DUSP10: variants seen among roughly 807,000 people sequenced by gnomAD.
DUSP10 encodes dual specificity phosphatase 10.
A neutral mutation model predicts 30.8 loss-of-function variants in DUSP10; 14 were observed. The observed-to-expected ratio is 0.46, with a 90% CI of 0.30 to 0.71. The LOEUF is 0.71. DUSP10 is among the 30% of genes least tolerant of loss of function. The pLI is 0.08. For synonymous variants in DUSP10, 254 were observed against 250.4 expected, an observed-to-expected ratio of 1.01 and a Z score of -0.14; for missense variants, 550 against 619.4, an observed-to-expected ratio of 0.89 and a Z score of 1.19.
rs571101983 is a variant in DUSP10 at position 221,712,929 on chromosome 1, G to A, written c.812-6463C>T. On this transcript the variant is annotated intron_variant, in intron 2 of 3. Transcript: ENST00000366899. ...TAGGATACTACTACTTAGGTCTGTCGTAATGATTCAATGATTTTGTGTGTA... is the reference window on the plus strand; with the variant it reads ...TAGGATACTACTACTTAGGTCTGTCATAATGATTCAATGATTTTGTGTGTA... Among the ~76,000 whole-genome samples, 22 of 152,220 alleles carry A rather than the reference G, an allele frequency of 1.4e-4. No individual in the cohort carries two copies. The Middle Eastern group carries it at 0.014, about 94-fold the overall frequency.
At chr1:221,713,407 A>G (rs925101408) in intron 2 of DUSP10, among the ~76,000 whole-genome samples, 3 of 152,254 alleles carry the variant, frequency 2.0e-5, no homozygotes, top group Non-Finnish European at 4.4e-5. Context: ...AAGCCTTGAA[A>G]AAAAAGACAT....
intron 2 of DUSP10, among the ~76,000 whole-genome samples, chr1:221,714,383 G>A (rs1400563293): frequency 2.0e-5 from 3 of 152,170 alleles, no homozygotes; most frequent in African/African-American, 7.2e-5. Context: ...CAAACTGAGA[G>A]CTCGCACGTG....
At position 221,739,261 on chromosome 1, in the gene DUSP10, A is replaced by C. The variant is rs1661876932; in HGVS notation, c.484T>G (p.Cys162Gly). The C allele has an allele frequency of 3.1e-6, 5 of 1,614,164 alleles. No homozygotes were observed. Among genetic ancestry groups the C allele is most frequent in the Middle Eastern group, 1.6e-4 (1 of 6,062 alleles). The change falls in exon 2 of 4, where the codon TGC (cysteine) becomes GGC (glycine). Residue 162 changes from cysteine to glycine, a missense_variant. Cys to Gly is a radical substitution (Grantham distance 159). Transcript: ENST00000366899. ...TGACTCGGCAGGTGACTCTTGCTGC[A>C]TTTGGTCATCTTCTTTGCCAAGTCA... The part of the protein sequence containing the change: ...PNDLAKKMTK[C>G]SKSHLPSQGP...
At chr1:221,729,033 C>T (rs559503437) in intron 2 of DUSP10, among the ~76,000 whole-genome samples, 4 of 152,312 alleles carry the variant, frequency 2.6e-5, no homozygotes, top group African/African-American at 9.6e-5. Context: ...GCCTGAACCT[C>T]TCCGAGTTTC....
In DUSP10 at chr1:221,739,737, G is replaced by A. The variant is rs1312979618; in HGVS notation, c.8C>T (p.Pro3Leu). 3 of 1,571,632 alleles carry A rather than the reference G, an allele frequency of 1.9e-6. No individual in the cohort carries two copies. Among genetic ancestry groups the A allele is most frequent in the Non-Finnish European group, 1.7e-6 (2 of 1,158,110 alleles). Residue 3 changes from proline (P) to leucine (L), a missense_variant, in exon 2 of 4, where the codon CCG becomes CTG. By Grantham distance (98) the Pro-to-Leu change is moderately conservative. Coordinates refer to ENST00000366899, the MANE Select transcript of DUSP10 (RefSeq NM_007207.6). ...TACTACCCTGTCGTCTAAAGGAGAC[G>A]GAGGCATGAGGAGGCTGAAAACTGG... is the stretch of plus-strand genomic sequence containing the variant. MP[P>L]SPLDDRVVVA...
intron 2 of DUSP10, chr1:221,711,543 C>T (rs1375106136): frequency 6.6e-6 from 1 of 152,210 alleles, no homozygotes; most frequent in African/African-American, 2.4e-5. Context: ...AGTAACCAGT[C>T]TTTTAAAGTA....
chr1:221,702,255 TACACTTG>T lies in DUSP10; in HGVS notation c.*150_*156del, dbSNP rs1441292386. ...ATGGCATCAAAAGTTATAGTCTTCT[TACACTTG>T]TTAAAAATAAAGTGTTTAAACAAGT... is the stretch of plus-strand genomic sequence containing the variant. On this transcript the variant is annotated 3_prime_UTR_variant, in exon 4 of 4. Coordinates refer to ENST00000366899, the MANE Select transcript of DUSP10 (RefSeq NM_007207.6). This position sits in a 1 kb window ranked among gnomAD's most constrained non-coding sequence, Gnocchi z 4.5. The T allele has an allele frequency of 1.2e-6, 1 of 825,854 alleles. No homozygotes were observed. Among genetic ancestry groups the T allele is most frequent in the African/African-American group, 1.7e-5 (1 of 58,142 alleles). 51.2% of individuals were successfully genotyped at this position (825,854 alleles called of 1,614,324 possible).
chr1:221,735,898 A>G (rs1269420185), intron 2 of DUSP10, among the ~76,000 whole-genome samples: 2 of 152,252 alleles, frequency 1.3e-5, no homozygotes, highest in Non-Finnish European at 2.9e-5. Context: ...TTGATTAAAA[A>G]TCAGCTTTGA....
chr1:221,730,370 G>A (rs76825002), intron 2 of DUSP10, among the ~76,000 whole-genome samples: 2,478 of 152,240 alleles, frequency 0.016, 66 homozygotes, highest in East Asian at 0.061. Context: ...CCCCTGGCTC[G>A]GGCAGTTTAA....
chr1:221,729,705 T>C (rs12134633), intron 2 of DUSP10, among the ~76,000 whole-genome samples: 63,761 of 152,064 alleles, frequency 0.42, 15,097 homozygotes, highest in Middle Eastern at 0.58. Context: ...TCAGGGATGA[T>C]AGGTTGGTCA....
At chr1:221,705,212 C>T (rs767607775) in intron 3 of DUSP10, among the ~76,000 whole-genome samples, 18 of 151,140 alleles carry the variant, frequency 1.2e-4, no homozygotes, top group Non-Finnish European at 1.9e-4. Context: ...CAGGCTCAAG[C>T]GATTCTCCTG....
At chr1:221,735,868 G>C (rs1474919201) in intron 2 of DUSP10, among the ~76,000 whole-genome samples, 3 of 152,198 alleles carry the variant, frequency 2.0e-5, no homozygotes, top group African/African-American at 7.2e-5. Context: ...TACTCAGTTT[G>C]ACTAGAAAGC....
At chr1:221,712,465 G>C (rs1660967831) in intron 2 of DUSP10, among the ~76,000 whole-genome samples, 1 of 152,168 alleles carries the variant, frequency 6.6e-6, no homozygotes, top group African/African-American at 2.4e-5. Flanking sequence ...CCTCAAACCA[G>C]TGTGGTCTGG....
At chr1:221,738,801 G>T in intron 2 of DUSP10, 133 bp downstream of exon 2, 1 of 1,175,714 alleles carries the variant, frequency 8.5e-7, no homozygotes. Context: ...AAAGAGCATA[G>T]AAGGGAAGAG....
intron 2 of DUSP10, among the ~76,000 whole-genome samples, chr1:221,720,709 G>A (rs1041642615): frequency 6.6e-6 from 1 of 152,180 alleles, no homozygotes. Flanking sequence ...TGTTCCGAAA[G>A]TATGGTAGGA....
chr1:221,716,232 T>TA (rs34726595), intron 2 of DUSP10, among the ~76,000 whole-genome samples: 56 of 152,098 alleles, frequency 3.7e-4, no homozygotes, highest in Admixed American at 1.9e-3. Flanking sequence ...CTGGGAAGAG[T>TA]GATTGAGCAC....
At chr1:221,703,443 T>C (rs944727839) in intron 3 of DUSP10, among the ~76,000 whole-genome samples, 1 of 152,220 alleles carries the variant, frequency 6.6e-6, no homozygotes, top group Non-Finnish European at 1.5e-5. Context: ...AAAGCTTAAC[T>C]AGGAAGATAC....
intron 2 of DUSP10, among the ~76,000 whole-genome samples, chr1:221,735,117 T>C (rs1035122775): frequency 5.9e-5 from 9 of 152,250 alleles, no homozygotes; most frequent in Non-Finnish European, 1.3e-4. Flanking sequence ...ACTGCCTGCA[T>C]GATCAAATCC....
At chr1:221,726,715 A>C (rs1217418554) in intron 2 of DUSP10, among the ~76,000 whole-genome samples, 5 of 151,830 alleles carry the variant, frequency 3.3e-5, no homozygotes, top group Admixed American at 6.6e-5. Context: ...AAAAAAAAAA[A>C]AAAACCCTAT....
Sources: gnomAD v4.1 joint callset for allele counts (sites outside exome capture counted in the v4.1 genomes callset) on GRCh38, gnomAD v4.1.1 for gene constraint, Gnocchi (gnomAD v3.1) non-coding constraint, MANE v1.5 for transcripts, NCBI Gene and HGNC (gene_info 2026-07-23, HGNC 2026-07-21) for gene names.